The following ATR variants were observed in gnomAD, a reference collection of about 807,000 sequenced individuals.
ATR encodes serine/threonine-protein kinase ATR.
In ATR, 142 loss-of-function variants were observed where a neutral mutation model predicts 305.3. The ratio of observed to expected loss-of-function variants is 0.47; its 90% CI spans 0.41 to 0.53. ATR has a LOEUF of 0.53. ATR is among the 20% of genes least tolerant of loss of function. The pLI is 0.00. For synonymous variants in ATR, 1,050 were observed against 1,068.1 expected (o/e 0.98, Z 0.33); for missense variants, 2,135 against 3,133.1 (o/e 0.68, Z 7.60).
Position 142,559,243 on chromosome 3 carries a change from G to T in ATR, c.1732+8C>A, listed in dbSNP as rs1295049845. On this transcript the variant is annotated splice_region_variant and intron_variant, in intron 7 of 46. Coordinates refer to ENST00000350721, the MANE Select transcript of ATR (RefSeq NM_001184.4). ...GGTTATTCTGATCTGTTGCTAATTT[G>T]TACTCACCTTGCATATAAATCAAAG... 2 of 1,610,394 alleles carry T rather than the reference G, an allele frequency of 1.2e-6. No individual in the cohort carries two copies. Among genetic ancestry groups the T allele is most frequent in the Admixed American group, 1.7e-5 (1 of 59,986 alleles).
intron 17 of ATR, 92 bp from the exon 18 acceptor site, chr3:142,541,126 C>A (rs2108438608): frequency 6.8e-7 from 1 of 1,473,914 alleles, no homozygotes; most frequent in Non-Finnish European, 9.5e-7. Flanking sequence ...CACCCAGTAT[C>A]AGGGTGTCAT....
At chr3:142,573,166 C>T (rs2035328588) in intron 1 of ATR, among the ~76,000 whole-genome samples, 1 of 152,086 alleles carries the variant, frequency 6.6e-6, no homozygotes, top group Admixed American at 6.5e-5. Context: ...AATCAAAGGG[C>T]CAGGCGTGGT....
intron 15 of ATR, 75 bp downstream of exon 15, chr3:142,549,403 TC>T: frequency 9.4e-7 from 1 of 1,059,546 alleles, no homozygotes; most frequent in Non-Finnish European, 1.3e-6. Context: ...TCACCCTCTT[TC>T]CTAGAAGAAT....
chr3:142,520,043 C>A (rs778285097), intron 23 of ATR, among the ~76,000 whole-genome samples: 2 of 152,028 alleles, frequency 1.3e-5, no homozygotes, highest in Non-Finnish European at 2.9e-5. Context: ...GTCTCTATGT[C>A]GCATTTCGGT....
chr3:142,498,273 A>C (rs1387592398), intron 32 of ATR, among the ~76,000 whole-genome samples: 1 of 152,228 alleles, frequency 6.6e-6, no homozygotes, highest in Non-Finnish European at 1.5e-5. Flanking sequence ...GGGAAACAAC[A>C]AATACCAAGC....
chr3:142,556,201 T>G lies in ATR; in HGVS notation c.2079-62A>C, dbSNP rs1191610883. ...CCTAATTTTGTGGTCTAAATAGTCT[T>G]GCTTAATTTGGGACAAAAGTACTGG... On this transcript the variant is annotated intron_variant, in intron 9 of 46. Coordinates refer to ENST00000350721, the MANE Select transcript of ATR (RefSeq NM_001184.4). 1.9e-6 allele frequency: 3 copies of G among 1,581,094 alleles called. No homozygotes were observed. In the East Asian group the frequency reaches 6.7e-5, roughly 35 times the overall value.
At chr3:142,501,149 T>G (rs1376470798) in intron 30 of ATR, among the ~76,000 whole-genome samples, 2 of 152,158 alleles carry the variant, frequency 1.3e-5, no homozygotes, top group Non-Finnish European at 2.9e-5. Context: ...ACAGCACCCC[T>G]TCATTGAATA....
At chr3:142,575,640 T>C (rs1044345638) in intron 1 of ATR, among the ~76,000 whole-genome samples, 2 of 152,342 alleles carry the variant, frequency 1.3e-5, no homozygotes, top group Non-Finnish European at 2.9e-5. Context: ...AACATTTTAA[T>C]AGCAACTATC....
intron 27 of ATR, among the ~76,000 whole-genome samples, chr3:142,509,460 A>G: frequency 6.6e-6 from 1 of 151,790 alleles, no homozygotes; most frequent in East Asian, 1.9e-4. Context: ...TACCACACCT[A>G]GCCTAAGGTA....
intron 7 of ATR, 49 bp downstream of exon 7, chr3:142,559,202 A>G: frequency 6.4e-7 from 1 of 1,573,612 alleles, no homozygotes; most frequent in Non-Finnish European, 8.7e-7. Context: ...ATATTTCTAT[A>G]CTGATTATCT....
chr3:142,542,145 G>A (rs74441887), intron 17 of ATR, among the ~76,000 whole-genome samples: 3,260 of 152,198 alleles, frequency 0.021, 48 homozygotes, highest in Non-Finnish European at 0.032. Context: ...GATTTCTGGT[G>A]TTCAAAAACA....
At chr3:142,456,558 C>A (rs1559904518) in intron 45 of ATR, among the ~76,000 whole-genome samples, 1 of 150,994 alleles carries the variant, frequency 6.6e-6, no homozygotes, top group Admixed American at 6.6e-5. Flanking sequence ...GGTGACAGAG[C>A]GAAACCCTGT....
Position 142,459,045 on chromosome 3 carries a change from C to T in ATR, c.7416G>A (p.Gly2472=), listed in dbSNP as rs771106421. ...AVMSMVGYIL[G]LGDRHGENIL... The stretch of plus-strand genomic sequence containing the variant: ...TATTTTCACCATGACGGTCTCCAAG[C>T]CCCAGAATATAACCAACCATTGACA... The change falls in exon 44 of 47, where the codon GGG becomes GGA. Residue 2472 remains glycine (G), a synonymous_variant. Coordinates refer to ENST00000350721, the MANE Select transcript of ATR (RefSeq NM_001184.4). The T allele has an allele frequency of 4.3e-6, 7 of 1,613,914 alleles. No individual in the cohort carries two copies. The highest frequency in any genetic ancestry group is 5.1e-6 in the Non-Finnish European group (6 of 1,179,862).
In ATR at chr3:142,535,131, A is replaced by G. The variant is rs947247399; in HGVS notation, c.3894T>C (p.Asp1298=). The G allele has an allele frequency of 2.5e-6, 4 of 1,613,238 alleles. No individual in the cohort carries two copies. The highest frequency in any genetic ancestry group is 2.5e-6 in the Non-Finnish European group (3 of 1,179,428). ...SMKAIQHENV[D]VRIHALTSLK... ...AGCTTGTAAGAGCATGAATACGAAC[A>G]TCGACATTTTCATGTTGAATGGCCT... Residue 1298 remains aspartate (D), a synonymous_variant, in exon 21 of 47, where the codon GAT becomes GAC. Coordinates refer to ENST00000350721, the MANE Select transcript of ATR (RefSeq NM_001184.4).
At position 142,538,505 on chromosome 3, in the gene ATR, G is replaced by A. The variant is rs146222193; in HGVS notation, c.3702C>T (p.Phe1234=). ...ACCTGTTTTCAATTATGAGGTAGTG[G>A]AAGATAGCTGCAGTTTCTTTAGGCT... The part of the protein sequence containing the change: ...HIQPKETAAI[F]HYLIIENRDA... The change falls in exon 19 of 47, where the codon TTC becomes TTT. Residue 1234 remains phenylalanine (F), a synonymous_variant. Transcript: ENST00000350721. 1.3e-4 allele frequency: 206 copies of A among 1,612,780 alleles called. No homozygotes were observed. The African/African-American group carries it at 2.5e-3, about 19-fold the overall frequency.
At chr3:142,449,813 G>C in intron 46 of ATR, 1 of 575,572 alleles carries the variant, frequency 1.7e-6, no homozygotes, top group Non-Finnish European at 3.1e-6. Context: ...AACATCAACT[G>C]CTTGGACATG....
At position 142,560,345 on chromosome 3, in the gene ATR, T is replaced by A. The variant is rs764556869; in HGVS notation, c.1459A>T (p.Ile487Phe). 1 of 1,613,804 alleles carries A rather than the reference T, an allele frequency of 6.2e-7. No homozygotes were observed. The highest frequency in any genetic ancestry group is 8.5e-7 in the Non-Finnish European group (1 of 1,179,800). Residue 487 changes from isoleucine (I) to phenylalanine (F), a missense_variant, in exon 6 of 47, where the codon ATT becomes TTT. Around this residue, in one of 9 missense-constraint regions of ATR, gnomAD observed 744 missense variants for 873.2 expected, o/e 0.85. Coordinates refer to ENST00000350721, the MANE Select transcript of ATR (RefSeq NM_001184.4). Reference sequence around the variant, plus strand: ...ACAGCAATTCCTTCTAACATCTCAATAACAGGATTCTTTAGGCCACTGTAT... The same window carrying A: ...ACAGCAATTCCTTCTAACATCTCAAAAACAGGATTCTTTAGGCCACTGTAT... ...LEYSGLKNPVIEMLEGIAVVL... is the reference protein window; with the variant it reads ...LEYSGLKNPVFEMLEGIAVVL...
chr3:142,496,173 C>T (rs1468913953), intron 34 of ATR, among the ~76,000 whole-genome samples, 188 bp downstream of exon 34: 4 of 150,064 alleles, frequency 2.7e-5, no homozygotes, highest in East Asian at 2.0e-4. Flanking sequence ...TACTTCCAGG[C>T]TATGGTAGAT....
chr3:142,463,040 T>C (rs973254909), intron 41 of ATR, among the ~76,000 whole-genome samples: 4 of 152,194 alleles, frequency 2.6e-5, no homozygotes, highest in Non-Finnish European at 4.4e-5. Flanking sequence ...AAATACATTT[T>C]ACTTTAGGAA....
Sources: allele counts gnomAD v4.1 joint callset (sites outside exome capture counted in the v4.1 genomes callset), GRCh38; gene constraint gnomAD v4.1.1; regional missense constraint gnomAD v4.1.1; transcripts MANE v1.5; gene names NCBI Gene and HGNC (gene_info 2026-07-23, HGNC 2026-07-21).